Variants in KCNAB3 observed in about 807,000 individuals in gnomAD.
The protein encoded by KCNAB3 is voltage-gated potassium channel subunit beta-3.
In KCNAB3, 62 loss-of-function variants were observed where a neutral mutation model predicts 67.7. The ratio of observed to expected loss-of-function variants is 0.92; its 90% confidence interval spans 0.75 to 1.13. KCNAB3 has a LOEUF of 1.13. KCNAB3 is among the 50% of genes most tolerant of loss of function. The pLI is 0.00. For synonymous variants in KCNAB3, 212 were observed against 205.4 expected (o/e 1.03, Z -0.27); for missense variants, 514 against 522.9 (o/e 0.98, Z 0.17).
At position 7,929,172 on chromosome 17, in the gene KCNAB3, G is replaced by A; in HGVS notation, c.242+22C>T. The A allele has an allele frequency of 1.9e-6, 3 of 1,610,576 alleles. No homozygotes were observed. Among genetic ancestry groups the A allele is most frequent in the Non-Finnish European group, 2.5e-6 (3 of 1,179,096 alleles). On this transcript the variant is annotated intron_variant, in intron 1 of 13. Transcript: ENST00000303790. This position sits in a 1 kb window ranked among gnomAD's most constrained non-coding sequence, Gnocchi z 5.7. Reference sequence around the variant, plus strand: ...TCCCGAAAGGAAAGCGGAAGGGGTGGGCTGCCCGGCCACCCCCATACCTGT... The same window carrying A: ...TCCCGAAAGGAAAGCGGAAGGGGTGAGCTGCCCGGCCACCCCCATACCTGT...
chr17:7,926,219 C>G (rs1972226314), intron 4 of KCNAB3, 116 bp from the exon 5 acceptor site: 1 of 1,154,574 alleles, frequency 8.7e-7, no homozygotes, highest in South Asian at 1.3e-5. Context: ...TCCATTTCAG[C>G]TCACAGCCCC....
chr17:7,925,483 C>G (rs536091362), intron 7 of KCNAB3, 200 bp downstream of exon 7: 4 of 626,586 alleles, frequency 6.4e-6, no homozygotes, highest in African/African-American at 3.9e-5. Context: ...GAGCCGAGAT[C>G]GTGCCATTAC....
At position 7,925,938 on chromosome 17, in the gene KCNAB3, C is replaced by T. The variant is rs1467081911; in HGVS notation, c.487G>A (p.Gly163Arg). The T allele has an allele frequency of 6.2e-7, 1 of 1,613,510 alleles. No individual in the cohort carries two copies. The highest frequency in any genetic ancestry group is 2.2e-5 in the East Asian group (1 of 44,860). The stretch of plus-strand genomic sequence containing the variant: ...AGTGGGGCAGCCACTTACTGTCCTC[C>T]CCAAAAAATCTTGGTAGTGATGACA... ...SYVITTKIFW[G>R]GQAETERGLS... The change falls in exon 6 of 14, where the codon GGA (glycine) becomes AGA (arginine). Residue 163 changes from glycine (G) to arginine (R), a missense_variant. Physicochemically the swap from Gly to Arg is moderately radical, Grantham distance 125. Coordinates refer to ENST00000303790, the MANE Select transcript of KCNAB3 (RefSeq NM_004732.4).
intron 4 of KCNAB3, 87 bp downstream of exon 4, chr17:7,927,257 G>A (rs1277782604): frequency 3.2e-6 from 4 of 1,267,120 alleles, no homozygotes; most frequent in Admixed American, 3.4e-5. Flanking sequence ...GAAGTCCCAG[G>A]GTTCTTTAGA....
chr17:7,924,504 G>A lies in KCNAB3; in HGVS notation c.626-4C>T. The stretch of plus-strand genomic sequence containing the variant: ...TAGGTCATGGCTCGCACAATCTCTA[G>A]GTACACAGGAGAGGGAAAGCCTTAC... On this transcript the variant is annotated splice_polypyrimidine_tract_variant and splice_region_variant and intron_variant, in intron 8 of 13. Coordinates refer to ENST00000303790, the MANE Select transcript of KCNAB3 (RefSeq NM_004732.4). 1 of 1,611,782 alleles carries A rather than the reference G, an allele frequency of 6.2e-7. No individual in the cohort carries two copies. The highest frequency in any genetic ancestry group is 8.5e-7 in the Non-Finnish European group (1 of 1,178,486).
At chr17:7,927,902 C>A in intron 1 of KCNAB3, 76 bp from the exon 2 acceptor site, 1 of 1,569,940 alleles carries the variant, frequency 6.4e-7, no homozygotes, top group Non-Finnish European at 8.8e-7. Context: ...AGCTCCTCTC[C>A]TTCCAGACTG....
Position 7,929,376 on chromosome 17 carries a change from A to G in KCNAB3, c.60T>C (p.Arg20=). The G allele has an allele frequency of 6.5e-7, 1 of 1,548,510 alleles. No individual in the cohort carries two copies. Among genetic ancestry groups the G allele is most frequent in the Middle Eastern group, 1.8e-4 (1 of 5,464 alleles). The change falls in exon 1 of 14, where the codon CGT becomes CGC. Residue 20 remains arginine (R), a synonymous_variant. Coordinates refer to ENST00000303790, the MANE Select transcript of KCNAB3 (RefSeq NM_004732.4). This position sits in a 1 kb window ranked among gnomAD's most constrained non-coding sequence, Gnocchi z 5.7. The part of the protein sequence containing the change: ...QNLRSRSSED[R]LCGPRPGPGG... Reference sequence around the variant, plus strand: ...CGGGGCCCGGCCGGGGTCCACACAGACGGTCCTCACTGCTCCGGCTGCGAA... The same window carrying G: ...CGGGGCCCGGCCGGGGTCCACACAGGCGGTCCTCACTGCTCCGGCTGCGAA...
intron 4 of KCNAB3, among the ~76,000 whole-genome samples, chr17:7,926,457 G>T (rs1177529714): frequency 6.6e-6 from 1 of 152,160 alleles, no homozygotes; most frequent in Non-Finnish European, 1.5e-5. Context: ...CCTTCTTTGA[G>T]CCTCTGCAAA....
chr17:7,927,853 G>T, intron 1 of KCNAB3, 27 bp from the exon 2 acceptor site: 1 of 1,613,534 alleles, frequency 6.2e-7, no homozygotes, highest in South Asian at 1.1e-5. Context: ...CAGCGGGAAG[G>T]GGTGGAGCCT....
intron 5 of KCNAB3, 25 bp from the exon 6 acceptor site, chr17:7,926,000 C>A: frequency 6.2e-7 from 1 of 1,614,076 alleles, no homozygotes; most frequent in South Asian, 1.1e-5. Flanking sequence ...ATGGGAGAAC[C>A]AGTAAGAAAA....
chr17:7,926,415 T>G (rs1329877984), intron 4 of KCNAB3, among the ~76,000 whole-genome samples: 3 of 152,202 alleles, frequency 2.0e-5, no homozygotes, highest in African/African-American at 7.2e-5. Context: ...GACACTGCCT[T>G]GTCTGGCTTC....
At chr17:7,928,298 TC>T (rs1003146868) in intron 1 of KCNAB3, 4 of 199,680 alleles carry the variant, frequency 2.0e-5, no homozygotes, top group Non-Finnish European at 4.1e-5. Flanking sequence ...CAGACAGGGG[TC>T]CCTGGCTAGG....
rs143227345 is a variant in KCNAB3 at position 7,924,445 on chromosome 17, C to G, written c.681G>C (p.Gly227=). 3 of 1,614,008 alleles carry G rather than the reference C, an allele frequency of 1.9e-6. No homozygotes were observed. The highest frequency in any genetic ancestry group is 2.5e-6 in the Non-Finnish European group (3 of 1,179,924). The change falls in exon 9 of 14, where the codon GGG becomes GGC. Residue 227 remains glycine, a synonymous_variant. Coordinates refer to ENST00000303790, the MANE Select transcript of KCNAB3 (RefSeq NM_004732.4). ...VINQGLALYW[G]TSRWGAAEIM... is the part of the protein sequence containing the mutation. Reference sequence around the variant, plus strand: ...TTTCTGCAGCCCCCCATCGGGATGTCCCCCAGTATAGGGCCAGGCCCTGGT... The same window carrying G: ...TTTCTGCAGCCCCCCATCGGGATGTGCCCCAGTATAGGGCCAGGCCCTGGT...
rs779681950 is a variant in KCNAB3 at position 7,923,728 on chromosome 17, A to G, written c.1031T>C (p.Val344Ala). The change falls in exon 12 of 14, where the codon GTG becomes GCG. Residue 344 changes from valine to alanine, a missense_variant. Transcript: ENST00000303790. The part of the protein sequence containing the change: ...LPVAHQLGCT[V>A]AQLAIAWCLR... ...TGTCTCACCAATAGCAAGCTGGGCC[A>G]CGGTGCAGCCCAGCTGGTGAGCGAC... 5.8e-6 allele frequency: 9 copies of G among 1,564,264 alleles called. No individual in the cohort carries two copies. The highest frequency in any genetic ancestry group is 1.9e-5 in the Admixed American group (1 of 52,420).
rs148571358 is a variant in KCNAB3, at chr17:7,927,846, C to T, written c.243-20G>A. On this transcript the variant is annotated intron_variant, in intron 1 of 13. Transcript: ENST00000303790. Reference sequence around the variant, plus strand: ...AGGTTCCTGCAAGATACAGAAGCAGCGGGAAGGGGTGGAGCCTCCATTATG... The same window carrying T: ...AGGTTCCTGCAAGATACAGAAGCAGTGGGAAGGGGTGGAGCCTCCATTATG... 4 of 1,613,684 alleles carry T rather than the reference C, an allele frequency of 2.5e-6. No homozygotes were observed. The highest frequency in any genetic ancestry group is 1.7e-6 in the Non-Finnish European group (2 of 1,179,900).
rs1173845440 is a variant in KCNAB3 at position 7,924,268 on chromosome 17, G to A, written c.712-3C>T. ...TGTCTGGCCATGGAGTAGGCCTCCT[G>A]GGTTGGGGTTGGGGAAAAGAAAGTG... On this transcript the variant is annotated splice_polypyrimidine_tract_variant and splice_region_variant and intron_variant, in intron 9 of 13. Coordinates refer to ENST00000303790, the MANE Select transcript of KCNAB3 (RefSeq NM_004732.4). 4 of 1,613,902 alleles carry A rather than the reference G, an allele frequency of 2.5e-6. No homozygotes were observed. Among genetic ancestry groups the A allele is most frequent in the Non-Finnish European group, 3.4e-6 (4 of 1,179,968 alleles).
chr17:7,924,785 C>CAA, intron 8 of KCNAB3: 2 of 931,256 alleles, frequency 2.1e-6, no homozygotes, highest in Non-Finnish European at 2.9e-6. Flanking sequence ...CTCTGTCACT[C>CAA]AGGATGTAGT....
Position 7,922,789 on chromosome 17 carries a change from T to G in KCNAB3, c.*313A>C. ...TGTTTTCTTTTCTGGGCCTCGGGAA[T>G]AAGGGGAGGAGAGTAGGGAGCGAGA... On this transcript the variant is annotated 3_prime_UTR_variant, in exon 14 of 14. Transcript: ENST00000303790. 2.3e-6 allele frequency: 1 copy of G among 441,742 alleles called. No individual in the cohort carries two copies. 27.4% of individuals were successfully genotyped at this position (441,742 alleles called of 1,614,324 possible).
Position 7,924,033 on chromosome 17 carries a change from C to CTA in KCNAB3, c.860_861dup (p.Ala288Ter). On this transcript the variant is annotated frameshift_variant, in exon 11 of 14. Coordinates refer to ENST00000303790, the MANE Select transcript of KCNAB3 (RefSeq NM_004732.4). LOFTEE classifies it high-confidence loss of function. ...TACTTGCTAGTAATGAGACCACAGG[C>CTA]TAGAGGGTACCAAGTGACTGATCCA... The CTA allele has an allele frequency of 6.2e-7, 1 of 1,614,018 alleles. No individual in the cohort carries two copies. Among genetic ancestry groups the CTA allele is most frequent in the Non-Finnish European group, 8.5e-7 (1 of 1,180,010 alleles).
Sources: gnomAD v4.1 joint callset for allele counts (sites outside exome capture counted in the v4.1 genomes callset) on GRCh38, gnomAD v4.1.1 for gene constraint, Gnocchi (gnomAD v3.1) non-coding constraint, MANE v1.5 for transcripts, NCBI Gene and HGNC (gene_info 2026-07-23, HGNC 2026-07-21) for gene names.